MYT1L: variants seen among roughly 807,000 people sequenced by gnomAD.
MYT1L encodes myelin transcription factor 1-like protein.
A neutral mutation model predicts 126.7 loss-of-function variants in MYT1L; 12 were observed. The ratio of observed to expected loss-of-function variants is 0.09; its 90% CI spans 0.06 to 0.15. The LOEUF (loss-of-function observed/expected upper bound fraction) is 0.15. Ranked by LOEUF, MYT1L falls within the 10% of genes least tolerant of loss-of-function variation. MYT1L has a pLI of 1.00. For missense variants in MYT1L, 979 were observed against 1,585.2 expected, an observed-to-expected ratio of 0.62 and a Z score of 6.49; for synonymous variants, 541 against 604.2, an observed-to-expected ratio of 0.90 and a Z score of 1.53.
At chr2:2,312,562 G>C (rs555365607) in intron 1 of MYT1L, among the ~76,000 whole-genome samples, 1 of 152,076 alleles carries the variant, frequency 6.6e-6, no homozygotes, top group Admixed American at 6.6e-5. Flanking sequence ...GCAGTGAGCT[G>C]TGATTGCACC....
chr2:2,013,774 A>C (rs72767338), intron 4 of MYT1L, among the ~76,000 whole-genome samples: 1 of 152,348 alleles, frequency 6.6e-6, no homozygotes, highest in Non-Finnish European at 1.5e-5. Flanking sequence ...GGCTCCAAGA[A>C]GGGGGACTGA....
At chr2:1,864,835 G>C (rs1191977869) in intron 18 of MYT1L, among the ~76,000 whole-genome samples, 3 of 152,184 alleles carry the variant, frequency 2.0e-5, no homozygotes, top group African/African-American at 7.2e-5. Context: ...CCAGCCACAT[G>C]CCAGGCTCGC....
intron 21 of MYT1L, chr2:1,816,885 G>T (rs978366204): frequency 6.6e-6 from 1 of 152,370 alleles, no homozygotes; most frequent in East Asian, 1.9e-4. Flanking sequence ...GGACCCCGGG[G>T]TCCTGCCAGT....
At chr2:2,161,103 C>T (rs1234333021) in intron 3 of MYT1L, among the ~76,000 whole-genome samples, 1 of 152,072 alleles carries the variant, frequency 6.6e-6, no homozygotes, top group Admixed American at 6.6e-5. Context: ...TTCTGTAGTC[C>T]CAGCTACTCG....
At chr2:2,183,662 A>T (rs2091779902) in intron 2 of MYT1L, among the ~76,000 whole-genome samples, 1 of 152,114 alleles carries the variant, frequency 6.6e-6, no homozygotes, top group Non-Finnish European at 1.5e-5. Flanking sequence ...TTATCAGCAT[A>T]TGACAATTCA....
intron 21 of MYT1L, among the ~76,000 whole-genome samples, chr2:1,823,183 C>T (rs2038799659): frequency 6.6e-6 from 1 of 152,174 alleles, no homozygotes; most frequent in African/African-American, 2.4e-5. Context: ...GCTGCACAGC[C>T]CTGTGGCAGC....
chr2:1,984,801 G>C (rs907472398), intron 5 of MYT1L, among the ~76,000 whole-genome samples: 1 of 151,972 alleles, frequency 6.6e-6, no homozygotes, highest in South Asian at 2.1e-4. Flanking sequence ...AAGCCACCGT[G>C]CCTGGCCAAG....
intron 2 of MYT1L, among the ~76,000 whole-genome samples, chr2:2,281,301 A>G (rs1386656519): frequency 6.6e-6 from 1 of 152,124 alleles, no homozygotes; most frequent in Admixed American, 6.6e-5. Context: ...AGTCAATTAA[A>G]CCTCTTTTCT....
intron 2 of MYT1L, among the ~76,000 whole-genome samples, chr2:2,187,315 G>A (rs1572276889): frequency 6.6e-6 from 1 of 152,070 alleles, no homozygotes; most frequent in Non-Finnish European, 1.5e-5. Flanking sequence ...CAGCAATCAC[G>A]GGCACAATGC....
In MYT1L at chr2:1,789,980, T is replaced by C. The variant is rs2147767379; in HGVS notation, c.*1887A>G. ...ACATATATTTATACACATATATATA[T>C]ACCGAGGTTGAGTATTGTATCAGAA... On this transcript the variant is annotated 3_prime_UTR_variant, in exon 25 of 25. Coordinates refer to ENST00000647738, the MANE Select transcript of MYT1L (RefSeq NM_001303052.2). The C allele has an allele frequency of 6.6e-6, 1 of 152,348 alleles. No individual in the cohort carries two copies. 9.4% of individuals were successfully genotyped at this position (152,348 alleles called of 1,614,324 possible).
chr2:2,032,780 T>C (rs1260738552), intron 4 of MYT1L, among the ~76,000 whole-genome samples: 2 of 103,238 alleles, frequency 1.9e-5, no homozygotes, highest in Non-Finnish European at 3.9e-5. Flanking sequence ...CAGAGCAGAT[T>C]CTAGAAGGAG....
rs1214221111 is a variant in MYT1L, at chr2:1,956,615, TCTATCTAC to T, written c.153-13289_153-13282del. On this transcript the variant is annotated intron_variant, in intron 8 of 24. Coordinates refer to ENST00000647738, the MANE Select transcript of MYT1L (RefSeq NM_001303052.2). ...ATCTATCTATCTATCTATCTATCTA[TCTATCTAC>T]CTACCTACCTATCTAGCTATCTATT... Among the ~76,000 whole-genome samples the T allele has an allele frequency of 7.2e-3, 965 of 134,962 alleles. 13 individuals are homozygous for T. The highest frequency in any genetic ancestry group is 0.01 in the African/African-American group (384 of 37,712). 88.5% of individuals were successfully genotyped at this position (134,962 alleles called of 152,430 possible). A position where few individuals can be genotyped will look rare whatever the true frequency, so the allele number is the denominator to read the frequency against.
At chr2:1,868,035 T>C (rs1573025569) in intron 18 of MYT1L, among the ~76,000 whole-genome samples, 2 of 151,406 alleles carry the variant, frequency 1.3e-5, no homozygotes, top group South Asian at 4.2e-4. Flanking sequence ...GGCGTGATCT[T>C]GGCTCACTGC....
chr2:1,804,685 G>T (rs1572387842), intron 22 of MYT1L, among the ~76,000 whole-genome samples: 1 of 152,290 alleles, frequency 6.6e-6, no homozygotes, highest in African/African-American at 2.4e-5. Flanking sequence ...CCCAGCCAGC[G>T]CTGGTCACTC....
chr2:2,003,963 T>C (rs556920827), intron 4 of MYT1L, among the ~76,000 whole-genome samples: 1 of 151,368 alleles, frequency 6.6e-6, no homozygotes, highest in Admixed American at 6.6e-5. Flanking sequence ...GCATGCGTTC[T>C]TTCCTGCAGG....
Position 1,995,820 on chromosome 2 carries a change from T to C in MYT1L, c.-1+1371A>G, listed in dbSNP as rs112368297. The stretch of plus-strand genomic sequence containing the variant: ...CAGCGTGTAGTGGGATTCTCAGGGC[T>C]GCTGCAGGTGACGAGGTGGGCAGCG... On this transcript the variant is annotated intron_variant, in intron 5 of 24. Transcript: ENST00000647738. Among the ~76,000 whole-genome samples, 845 of 152,286 alleles carry C rather than the reference T, an allele frequency of 5.5e-3. 7 individuals are homozygous for C. The highest frequency in any genetic ancestry group is 0.019 in the African/African-American group (793 of 41,560).
intron 3 of MYT1L, among the ~76,000 whole-genome samples, chr2:2,125,510 T>A (rs928346383): frequency 1.3e-5 from 2 of 152,108 alleles, no homozygotes; most frequent in Non-Finnish European, 2.9e-5. Flanking sequence ...ATTGCTGTGG[T>A]TAGGTGTTAG....
At chr2:2,006,889 A>G (rs2063382453) in intron 4 of MYT1L, among the ~76,000 whole-genome samples, 2 of 130,116 alleles carry the variant, frequency 1.5e-5, no homozygotes. Flanking sequence ...GCTCTTTAGG[A>G]AAAAAAAAAA....
chr2:1,893,920 A>T (rs1376604465), intron 14 of MYT1L, among the ~76,000 whole-genome samples: 1 of 152,172 alleles, frequency 6.6e-6, no homozygotes, highest in Non-Finnish European at 1.5e-5. Context: ...CTGCAGAGGA[A>T]GACTGAGGAC....
Sources: allele counts gnomAD v4.1 joint callset (sites outside exome capture counted in the v4.1 genomes callset), GRCh38; gene constraint gnomAD v4.1.1; transcripts MANE v1.5; gene names NCBI Gene and HGNC (gene_info 2026-07-23, HGNC 2026-07-21).